The following TRAK2 variants were observed in gnomAD, a reference collection of about 807,000 sequenced individuals.
The protein encoded by TRAK2 is trafficking kinesin protein 2, also known as trafficking kinesin-binding protein 2.
Under a neutral mutation model 104.6 loss-of-function variants are expected in TRAK2, and 81 were observed. The ratio of observed to expected loss-of-function variants is 0.77; its 90% confidence interval spans 0.65 to 0.93. The LOEUF (loss-of-function observed/expected upper bound fraction) is 0.93, where lower values mean the gene tolerates loss of function less well. Ranked by LOEUF, TRAK2 falls within the 40% of genes least tolerant of loss-of-function variation. TRAK2 has a pLI of 0.00. For synonymous variants in TRAK2, 406 were observed against 394.4 expected (o/e 1.03, Z -0.35); for missense variants, 1,002 against 1,089.0 (o/e 0.92, Z 1.12).
intron 3 of TRAK2, among the ~76,000 whole-genome samples, chr2:201,402,097 A>T (rs1951555496): frequency 6.6e-6 from 1 of 152,080 alleles, no homozygotes; most frequent in South Asian, 2.1e-4. Context: ...GAGGTTATTA[A>T]GAGGATCAAA....
Position 201,380,793 on chromosome 2 carries a change from A to T in TRAK2, c.2495T>A (p.Met832Lys). The change falls in exon 16 of 16, where the codon ATG becomes AAG. Residue 832 changes from methionine (M) to lysine (K), a missense_variant. Transcript: ENST00000332624. ...TCTCTTCAGCCTGTCCACTAAGTTCATCTTCAACTGGCCAACATCAGGAGG... is the reference window on the plus strand; with the variant it reads ...TCTCTTCAGCCTGTCCACTAAGTTCTTCTTCAACTGGCCAACATCAGGAGG... The part of the protein sequence containing the change: ...RNPPDVGQLK[M>K]NLVDRLKRLG... The T allele has an allele frequency of 6.2e-7, 1 of 1,614,118 alleles. No individual in the cohort carries two copies. The highest frequency in any genetic ancestry group is 8.5e-7 in the Non-Finnish European group (1 of 1,180,004).
intron 3 of TRAK2, among the ~76,000 whole-genome samples, chr2:201,404,389 T>C (rs147513345): frequency 2.0e-5 from 3 of 152,336 alleles, no homozygotes; most frequent in African/African-American, 7.2e-5. Flanking sequence ...AGGGAGACGA[T>C]AGATATTTTT....
chr2:201,394,332 T>C (rs1951477604), intron 9 of TRAK2, among the ~76,000 whole-genome samples: 1 of 132,090 alleles, frequency 7.6e-6, no homozygotes, highest in African/African-American at 2.7e-5. Flanking sequence ...TTAAAATGCT[T>C]TATTCTTTTT....
At chr2:201,432,920 T>C (rs1951853656) in intron 1 of TRAK2, among the ~76,000 whole-genome samples, 1 of 152,230 alleles carries the variant, frequency 6.6e-6, no homozygotes, top group Admixed American at 6.5e-5. Flanking sequence ...CTGAAATGCA[T>C]GCAGGAACAG....
At chr2:201,426,232 A>C (rs1951787309) in intron 1 of TRAK2, among the ~76,000 whole-genome samples, 1 of 152,152 alleles carries the variant, frequency 6.6e-6, no homozygotes, top group Admixed American at 6.5e-5. Context: ...CAGCGGCAGC[A>C]TTAGATTCTC....
chr2:201,394,595 C>A (rs906017345), intron 9 of TRAK2, among the ~76,000 whole-genome samples: 1 of 152,182 alleles, frequency 6.6e-6, no homozygotes, highest in African/African-American at 2.4e-5. Flanking sequence ...CCCACCTCGG[C>A]CTCCCAAAGT....
intron 3 of TRAK2, among the ~76,000 whole-genome samples, chr2:201,406,905 A>C (rs1951599387): frequency 6.6e-6 from 1 of 152,186 alleles, no homozygotes; most frequent in African/African-American, 2.4e-5. Context: ...TAAATAATGA[A>C]GATTACTATA....
At position 201,407,443 on chromosome 2, in the gene TRAK2, A is replaced by G. The variant is rs2125649427; in HGVS notation, c.246T>C (p.Ala82=). The change falls in exon 3 of 16, where the codon GCT becomes GCC. Residue 82 remains alanine (A), a synonymous_variant. Coordinates refer to ENST00000332624, the MANE Select transcript of TRAK2 (RefSeq NM_015049.3). ...SPHQRQHASD[A]LSPVLAEETF... is the part of the protein sequence containing the mutation. Reference sequence around the variant, plus strand: ...TCTCTTCAGCAAGGACTGGAGAGAGAGCATCAGATGCATGCTGCCGCTGGT... The same window carrying G: ...TCTCTTCAGCAAGGACTGGAGAGAGGGCATCAGATGCATGCTGCCGCTGGT... The G allele has an allele frequency of 1.2e-6, 2 of 1,614,084 alleles. No homozygotes were observed. Among genetic ancestry groups the G allele is most frequent in the South Asian group, 1.1e-5 (1 of 91,072 alleles).
rs765588370 is a variant in TRAK2 at position 201,380,523 on chromosome 2, G to A, written c.*20C>T. ...CCTTCATGTGCTAACTTGTATAAAA[G>A]GTCAGTTAACTGCTGAACCTCAGTC... On this transcript the variant is annotated 3_prime_UTR_variant, in exon 16 of 16. Coordinates refer to ENST00000332624, the MANE Select transcript of TRAK2 (RefSeq NM_015049.3). 42 of 1,609,180 alleles carry A rather than the reference G, an allele frequency of 2.6e-5. No homozygotes were observed. Among genetic ancestry groups the A allele is most frequent in the Non-Finnish European group, 3.5e-5 (41 of 1,177,082 alleles).
chr2:201,442,819 T>C (rs1011899838), intron 1 of TRAK2, among the ~76,000 whole-genome samples: 1 of 152,244 alleles, frequency 6.6e-6, no homozygotes, highest in African/African-American at 2.4e-5. Context: ...CACTTGTTGA[T>C]CAGAGTGTAA....
intron 1 of TRAK2, among the ~76,000 whole-genome samples, chr2:201,432,896 A>G (rs1951853525): frequency 6.6e-6 from 1 of 152,216 alleles, no homozygotes; most frequent in Non-Finnish European, 1.5e-5. Context: ...TTAATTTGAA[A>G]CACATGTGGG....
At position 201,442,308 on chromosome 2, in the gene TRAK2, G is replaced by A. The variant is rs1476794933; in HGVS notation, c.-200+9042C>T. 4.0e-5 allele frequency among the ~76,000 whole-genome samples: 6 copies of A among 151,472 alleles called. No homozygotes were observed. In the South Asian group the frequency reaches 6.2e-4, roughly 16 times the overall value. On this transcript the variant is annotated intron_variant, in intron 1 of 15. Transcript: ENST00000332624. Reference sequence around the variant, plus strand: ...CGGGAGGCTGCGGCAGGAGAATGGCGTGAACCCAGGGGGCGGAGCCTGCAG... The same window carrying A: ...CGGGAGGCTGCGGCAGGAGAATGGCATGAACCCAGGGGGCGGAGCCTGCAG...
intron 10 of TRAK2, among the ~76,000 whole-genome samples, chr2:201,390,711 T>G (rs1291466730): frequency 6.6e-6 from 1 of 152,010 alleles, no homozygotes; most frequent in African/African-American, 2.4e-5. Context: ...GTGTTGACAG[T>G]GATTCTGTGG....
At chr2:201,443,019 C>A (rs1387015197) in intron 1 of TRAK2, among the ~76,000 whole-genome samples, 1 of 152,174 alleles carries the variant, frequency 6.6e-6, no homozygotes, top group African/African-American at 2.4e-5. Flanking sequence ...TTATCCCTAT[C>A]CTCCATCAGT....
rs199939751 is a variant in TRAK2, at chr2:201,384,126, G to C, written c.2054C>G (p.Thr685Ser). 3 of 1,612,066 alleles carry C rather than the reference G, an allele frequency of 1.9e-6. No individual in the cohort carries two copies. The highest frequency in any genetic ancestry group is 2.5e-6 in the Non-Finnish European group (3 of 1,178,938). Reference protein sequence around the residue: ...TCRILHPSDITQVTPSSGFPS... With the variant: ...TCRILHPSDISQVTPSSGFPS... Reference sequence around the variant, plus strand: ...GCACTCTTACCTGGGGGTAACCTGAGTGATGTCAGAGGGATGTAATATTCT... The same window carrying C: ...GCACTCTTACCTGGGGGTAACCTGACTGATGTCAGAGGGATGTAATATTCT... The change falls in exon 15 of 16, where the codon ACT becomes AGT. Residue 685 changes from threonine to serine, a missense_variant. Physicochemically the swap from Thr to Ser is moderately conservative, Grantham distance 58. Transcript: ENST00000332624.
Position 201,411,679 on chromosome 2 carries a change from T to C in TRAK2, c.92-4082A>G, listed in dbSNP as rs562300685. On this transcript the variant is annotated intron_variant, in intron 2 of 15. Coordinates refer to ENST00000332624, the MANE Select transcript of TRAK2 (RefSeq NM_015049.3). Reference sequence around the variant, plus strand: ...TTATGAGTAAAAGTACATTTGTAAATGCCTAAAATACCCATGAGGACTGCA... The same window carrying C: ...TTATGAGTAAAAGTACATTTGTAAACGCCTAAAATACCCATGAGGACTGCA... The C allele has an allele frequency of 7.6e-6, 6 of 788,882 alleles. No individual in the cohort carries two copies. The East Asian group carries it at 1.5e-4, about 19-fold the overall frequency. The allele number at this position is 788,882 out of a possible 1,614,324, so 48.9% of individuals were successfully genotyped here.
intron 2 of TRAK2, among the ~76,000 whole-genome samples, chr2:201,418,572 A>T (rs569309995): frequency 6.6e-6 from 1 of 152,348 alleles, no homozygotes; most frequent in African/African-American, 2.4e-5. Context: ...TTCTGTAAAG[A>T]TAGACTTAGG....
chr2:201,405,939 G>T (rs1197911606), intron 3 of TRAK2, among the ~76,000 whole-genome samples: 1 of 152,132 alleles, frequency 6.6e-6, no homozygotes, highest in Non-Finnish European at 1.5e-5. Flanking sequence ...AGGCGAGATC[G>T]TGCCACTATA....
intron 1 of TRAK2, among the ~76,000 whole-genome samples, chr2:201,446,290 T>C (rs1311332674): frequency 6.6e-6 from 1 of 152,210 alleles, no homozygotes; most frequent in Non-Finnish European, 1.5e-5. Context: ...CCTGTAACTC[T>C]GTCCATGCTA....
Sources: gnomAD v4.1 joint callset for allele counts (sites outside exome capture counted in the v4.1 genomes callset) on GRCh38, gnomAD v4.1.1 for gene constraint, MANE v1.5 for transcripts, NCBI Gene and HGNC (gene_info 2026-07-23, HGNC 2026-07-21) for gene names.